Variants in ACAD10 observed in about 807,000 individuals in gnomAD.
The protein encoded by ACAD10 is acyl-CoA dehydrogenase family member 10.
A neutral mutation model predicts 116.8 loss-of-function variants in ACAD10; 112 were observed. That is an observed-to-expected ratio of 0.96 (90% CI 0.82 to 1.12). The LOEUF is 1.12. Ranked by LOEUF, ACAD10 falls within the 50% of genes most tolerant of loss-of-function variation. The probability of loss-of-function intolerance (pLI) is 0.00; values close to 1 mark genes in which losing one functional copy is unlikely to be tolerated. For synonymous variants in ACAD10, 486 were observed against 510.6 expected, an observed-to-expected ratio of 0.95 and a Z score of 0.65; for missense variants, 1,259 against 1,350.2, an observed-to-expected ratio of 0.93 and a Z score of 1.06.
chr12:111,719,706 C>T (rs960225744), intron 7 of ACAD10, among the ~76,000 whole-genome samples: 2 of 152,102 alleles, frequency 1.3e-5, no homozygotes, highest in African/African-American at 4.8e-5. Context: ...GCATGAGGCA[C>T]CATGCCCGGC....
Position 111,756,426 on chromosome 12 carries a change from G to T in ACAD10, c.3133G>T (p.Val1045Leu), listed in dbSNP as rs753069714. The T allele has an allele frequency of 6.2e-7, 1 of 1,612,824 alleles. No homozygotes were observed. The highest frequency in any genetic ancestry group is 1.7e-5 in the Admixed American group (1 of 59,826). Reference protein sequence around the residue: ...ALRFADGPDEVHRATVAKLEL... With the variant: ...ALRFADGPDELHRATVAKLEL... ...GCGCTTTGCCGACGGCCCTGACGAG[G>T]TGCACCGGGCCACGGTGGCCAAGCT... is the stretch of plus-strand genomic sequence containing the variant. The change falls in exon 21 of 21, where the codon GTG (valine) becomes TTG (leucine). Residue 1045 changes from valine to leucine, a missense_variant. Transcript: ENST00000313698.
Position 111,756,751 on chromosome 12 carries a change from C to T in ACAD10, c.*278C>T, listed in dbSNP as rs1189989150. ...AAGCTGGTCTTCAGGCTCTCAGTCC[C>T]AGGCTGGGCAGGCACGGTCACTTCA... On this transcript the variant is annotated 3_prime_UTR_variant, in exon 21 of 21. Transcript: ENST00000313698. The T allele has an allele frequency of 5.0e-6, 3 of 595,848 alleles. No individual in the cohort carries two copies. Among genetic ancestry groups the T allele is most frequent in the Non-Finnish European group, 9.4e-6 (3 of 319,074 alleles). 36.9% of individuals were successfully genotyped at this position (595,848 alleles called of 1,614,324 possible). A position where few individuals can be genotyped will look rare whatever the true frequency, so the allele number is the denominator to read the frequency against.
intron 4 of ACAD10, 78 bp downstream of exon 4, chr12:111,706,010 C>A: frequency 6.7e-7 from 1 of 1,493,162 alleles, no homozygotes; most frequent in Non-Finnish European, 9.1e-7. Context: ...ATGCTATCTT[C>A]CAGCAGGTCT....
intron 5 of ACAD10, among the ~76,000 whole-genome samples, chr12:111,711,344 GCATCCACTACCA>G (rs1229761426): frequency 1.3e-4 from 19 of 150,714 alleles, no homozygotes; most frequent in Middle Eastern, 3.6e-3. Flanking sequence ...GGGACTACAG[GCATCCACTACCA>G]CGCCCAGCTA....
In ACAD10 at chr12:111,746,165, C is replaced by T. The variant is rs1398955492; in HGVS notation, c.2137C>T (p.Leu713Phe). ...ATAGGAGAAAGCCAAAGCTGAAGGACTTTGGAACCTTTTCCTACCCTTAGA... is the reference window on the plus strand; with the variant it reads ...ATAGGAGAAAGCCAAAGCTGAAGGATTTTGGAACCTTTTCCTACCCTTAGA... Reference protein sequence around the residue: ...DLKEKAKAEGLWNLFLPLEAD... With the variant: ...DLKEKAKAEGFWNLFLPLEAD... The change falls in exon 14 of 21, where the codon CTT becomes TTT. Residue 713 changes from leucine (L) to phenylalanine (F), a missense_variant. Transcript: ENST00000313698. The T allele has an allele frequency of 1.5e-5, 25 of 1,613,512 alleles. No homozygotes were observed. The highest frequency in any genetic ancestry group is 1.9e-5 in the Non-Finnish European group (23 of 1,179,916).
In ACAD10 at chr12:111,756,450, C is replaced by T; in HGVS notation, c.3157C>T (p.Leu1053=). 1 of 1,612,796 alleles carries T rather than the reference C, an allele frequency of 6.2e-7. No individual in the cohort carries two copies. The highest frequency in any genetic ancestry group is 1.3e-5 in the African/African-American group (1 of 75,026). ...DEVHRATVAK[L]ELKHRI Reference sequence around the variant, plus strand: ...GGTGCACCGGGCCACGGTGGCCAAGCTAGAGCTGAAGCACCGCATTTAGAG... The same window carrying T: ...GGTGCACCGGGCCACGGTGGCCAAGTTAGAGCTGAAGCACCGCATTTAGAG... The change falls in exon 21 of 21, where the codon CTA becomes TTA. Residue 1053 remains leucine, a synonymous_variant. Coordinates refer to ENST00000313698, the MANE Select transcript of ACAD10 (RefSeq NM_025247.6).
At chr12:111,739,699 G>A (rs1038912509) in intron 12 of ACAD10, among the ~76,000 whole-genome samples, 1 of 151,906 alleles carries the variant, frequency 6.6e-6, no homozygotes, top group Non-Finnish European at 1.5e-5. Flanking sequence ...CGGAGGTTGC[G>A]GCGAGCCATG....
In ACAD10 at chr12:111,756,360, G is replaced by A. The variant is rs559584313; in HGVS notation, c.3067G>A (p.Asp1023Asn). The A allele has an allele frequency of 9.9e-6, 16 of 1,610,056 alleles. No individual in the cohort carries two copies. The highest frequency in any genetic ancestry group is 2.7e-5 in the African/African-American group (2 of 74,980). ...CTTTGGAGCAGCAGGCCTGAGCAGC[G>A]ACTACCCACTGGCTCAGTTCTTCAC... ...QAFGAAGLSS[D>N]YPLAQFFTWA... The change falls in exon 21 of 21, where the codon GAC becomes AAC. Residue 1023 changes from aspartate to asparagine, a missense_variant. Physicochemically the swap from Asp to Asn is conservative, Grantham distance 23 (BLOSUM62 1). Transcript: ENST00000313698.
At chr12:111,728,879 A>T (rs553452653) in intron 9 of ACAD10, among the ~76,000 whole-genome samples, 2 of 152,034 alleles carry the variant, frequency 1.3e-5, no homozygotes, top group Admixed American at 1.3e-4. Flanking sequence ...TAGCAGAGAC[A>T]GGTTTTTGCC....
At chr12:111,722,300 G>A (rs1179006365) in intron 8 of ACAD10, among the ~76,000 whole-genome samples, 1 of 152,188 alleles carries the variant, frequency 6.6e-6, no homozygotes, top group South Asian at 2.1e-4. Flanking sequence ...CTGACCTCAC[G>A]TGATCCACCC....
chr12:111,699,450 T>C (rs1746015823), intron 2 of ACAD10, among the ~76,000 whole-genome samples: 1 of 152,160 alleles, frequency 6.6e-6, no homozygotes, highest in African/African-American at 2.4e-5. Context: ...TTGTTTATTT[T>C]TGAAAAATTG....
chr12:111,712,696 A>G (rs1168924103), intron 6 of ACAD10, 39 bp downstream of exon 6: 26 of 1,602,258 alleles, frequency 1.6e-5, no homozygotes, highest in Non-Finnish European at 2.2e-5. Flanking sequence ...GCTCTCTCCA[A>G]GGCGAAGGTT....
intron 12 of ACAD10, among the ~76,000 whole-genome samples, chr12:111,741,733 C>A (rs1889749011): frequency 1.3e-5 from 2 of 152,176 alleles, no homozygotes; most frequent in Non-Finnish European, 2.9e-5. Context: ...GGGGAAAAAA[C>A]CAACTATACA....
At chr12:111,689,677 T>C (rs185023808) in intron 1 of ACAD10, among the ~76,000 whole-genome samples, 86 of 151,672 alleles carry the variant, frequency 5.7e-4, no homozygotes, top group Middle Eastern at 3.4e-3. Flanking sequence ...GTGCCCTTAC[T>C]GTGTGTGTTT....
chr12:111,750,417 G>A (rs1890043946), intron 18 of ACAD10, among the ~76,000 whole-genome samples: 1 of 152,014 alleles, frequency 6.6e-6, no homozygotes, highest in South Asian at 2.1e-4. Context: ...ACCGTGCCTG[G>A]CCAAAAAGAA....
intron 1 of ACAD10, among the ~76,000 whole-genome samples, chr12:111,686,868 A>G (rs963064341): frequency 3.3e-5 from 5 of 152,200 alleles, no homozygotes; most frequent in African/African-American, 1.2e-4. Flanking sequence ...GTATAAGATA[A>G]ACACAGTTCC....
At chr12:111,707,325 A>G (rs1209797184) in intron 4 of ACAD10, among the ~76,000 whole-genome samples, 1 of 150,510 alleles carries the variant, frequency 6.6e-6, no homozygotes, top group East Asian at 1.9e-4. Flanking sequence ...CAAACTTCAG[A>G]CCTCAAGTGA....
chr12:111,741,614 C>T lies in ACAD10; in HGVS notation c.1715-3029C>T, dbSNP rs532761908. On this transcript the variant is annotated intron_variant, in intron 12 of 20. Transcript: ENST00000313698. ...TCTTATCTTACTGTGCACTCCTTTC[C>T]CTCCCTCTGGGAAGCCAGCCAGACA... Among the ~76,000 whole-genome samples, 7 of 152,248 alleles carry T rather than the reference C, an allele frequency of 4.6e-5. No individual in the cohort carries two copies. The East Asian group carries it at 1.2e-3, about 25-fold the overall frequency.
At chr12:111,710,820 G>A (rs957853459) in intron 5 of ACAD10, among the ~76,000 whole-genome samples, 2 of 152,040 alleles carry the variant, frequency 1.3e-5, no homozygotes, top group Admixed American at 6.6e-5. Context: ...CTAGGTTGCC[G>A]AGGGCTTTGA....
Sources: gnomAD v4.1 joint callset for allele counts (sites outside exome capture counted in the v4.1 genomes callset) on GRCh38, gnomAD v4.1.1 for gene constraint, MANE v1.5 for transcripts, NCBI Gene and HGNC (gene_info 2026-07-23, HGNC 2026-07-21) for gene names.